Variants in SLC5A9 observed in about 807,000 individuals in gnomAD.
SLC5A9 encodes sodium/glucose cotransporter 4.
A neutral mutation model predicts 70.9 loss-of-function variants in SLC5A9; 59 were observed. That is an observed-to-expected ratio of 0.83 (90% confidence interval 0.68 to 1.03). The LOEUF is 1.03. SLC5A9 is among the 50% of genes least tolerant of loss of function. The pLI is 0.00. For missense variants in SLC5A9, 832 were observed against 881.1 expected, an observed-to-expected ratio of 0.94 and a Z score of 0.71; for synonymous variants, 340 against 346.5, an observed-to-expected ratio of 0.98 and a Z score of 0.21.
chr1:48,235,660 A>G, intron 9 of SLC5A9, 69 bp from the exon 10 acceptor site: 1 of 1,585,918 alleles, frequency 6.3e-7, no homozygotes, highest in Non-Finnish European at 8.6e-7. Flanking sequence ...ATGCTCCAGC[A>G]GCCTCTGTAG....
At chr1:48,229,035 T>G in intron 3 of SLC5A9, 81 bp downstream of exon 3, 1 of 1,613,750 alleles carries the variant, frequency 6.2e-7, no homozygotes, top group Admixed American at 1.7e-5. Context: ...GGGAGGATCC[T>G]TAGAGATGCC....
intron 9 of SLC5A9, among the ~76,000 whole-genome samples, chr1:48,235,002 A>G (rs933083165): frequency 1.3e-5 from 2 of 152,118 alleles, no homozygotes; most frequent in African/African-American, 4.8e-5. Flanking sequence ...GTGGTTAAAT[A>G]TATGGATTTG....
chr1:48,229,622 G>C (rs1644219662), intron 4 of SLC5A9, 163 bp downstream of exon 4: 10 of 1,105,958 alleles, frequency 9.0e-6, no homozygotes, highest in Non-Finnish European at 3.8e-6. Flanking sequence ...CTCAGCACTG[G>C]GGTACTCAGA....
chr1:48,246,524 TA>T (rs1644461835), intron 13 of SLC5A9, among the ~76,000 whole-genome samples: 1 of 152,200 alleles, frequency 6.6e-6, no homozygotes, highest in Non-Finnish European at 1.5e-5. Flanking sequence ...TGCTGATTTT[TA>T]AAAAACTTAA....
chr1:48,230,681 G>T lies in SLC5A9; in HGVS notation c.586G>T (p.Val196Leu), dbSNP rs1044519316. Residue 196 changes from valine (V) to leucine (L), a missense_variant, in exon 5 of 14, where the codon GTG becomes TTG. Val to Leu is a conservative substitution (Grantham distance 32). Coordinates refer to ENST00000438567, the MANE Select transcript of SLC5A9 (RefSeq NM_001011547.3). ...CCTCTCCACAGGGATCCTGCTGGTG[G>T]TGACTGCCGTCTACACCATTGCAGG... ...LYLSTGILLVVTAVYTIAGGL... is the reference protein window; with the variant it reads ...LYLSTGILLVLTAVYTIAGGL... 9 of 1,613,626 alleles carry T rather than the reference G, an allele frequency of 5.6e-6. No homozygotes were observed. Among genetic ancestry groups the T allele is most frequent in the Non-Finnish European group, 6.8e-6 (8 of 1,179,754 alleles).
chr1:48,232,921 AAAAGAAAG>A (rs200400686), intron 8 of SLC5A9, among the ~76,000 whole-genome samples: 5 of 146,294 alleles, frequency 3.4e-5, no homozygotes, highest in African/African-American at 7.5e-5. Flanking sequence ...GAAAGGAAGA[AAAAGAAAG>A]AAAGAAAAGA....
At chr1:48,245,301 C>T (rs980723117) in intron 13 of SLC5A9, among the ~76,000 whole-genome samples, 3 of 151,942 alleles carry the variant, frequency 2.0e-5, no homozygotes, top group African/African-American at 7.3e-5. Flanking sequence ...ACGGCTGAAA[C>T]CCAGAACTAG....
rs758650324 is a variant in SLC5A9, at chr1:48,233,705, C to T, written c.1084C>T (p.Arg362Ter). ...TGTCTGCCAAAGAATCTGTGGGGCCCGAGTGGGATGTTCCAACATTGCCTA... is the reference window on the plus strand; with the variant it reads ...TGTCTGCCAAAGAATCTGTGGGGCCTGAGTGGGATGTTCCAACATTGCCTA... Reference protein sequence around the residue: ...PDVCQRICGARVGCSNIAYPK... With the variant: ...PDVCQRICGA Residue 362 changes from arginine to a stop codon, truncating the protein, a stop_gained, in exon 9 of 14, where the codon CGA becomes TGA. Coordinates refer to ENST00000438567, the MANE Select transcript of SLC5A9 (RefSeq NM_001011547.3). LOFTEE classifies it high-confidence loss of function. 7 of 1,613,950 alleles carry T rather than the reference C, an allele frequency of 4.3e-6. No homozygotes were observed. Among genetic ancestry groups the T allele is most frequent in the East Asian group, 2.2e-5 (1 of 44,860 alleles).
chr1:48,230,204 G>A (rs1644227481), intron 4 of SLC5A9, among the ~76,000 whole-genome samples: 1 of 152,230 alleles, frequency 6.6e-6, no homozygotes, highest in Non-Finnish European at 1.5e-5. Context: ...TGACAGCCAA[G>A]CAGGCTCTGC....
chr1:48,228,535 C>G, intron 2 of SLC5A9: 1 of 328,014 alleles, frequency 3.0e-6, no homozygotes, highest in Non-Finnish European at 5.8e-6. Context: ...GACCCATGGC[C>G]TCAGGGCGGA....
At chr1:48,244,891 T>TATATATATATATAC in intron 13 of SLC5A9, among the ~76,000 whole-genome samples, 1 of 104,992 alleles carries the variant, frequency 9.5e-6, no homozygotes, top group South Asian at 2.8e-4. Context: ...TATATATATA[T>TATATATATATATAC]ATATATATAT....
rs1235151466 is a variant in SLC5A9 at position 48,242,603 on chromosome 1, G to C, written c.1824G>C (p.Gln608His). 2 of 1,610,998 alleles carry C rather than the reference G, an allele frequency of 1.2e-6. No individual in the cohort carries two copies. Among genetic ancestry groups the C allele is most frequent in the African/African-American group, 1.3e-5 (1 of 74,864 alleles). ...CGGCAGAGAACTCGAGCCTGGGCCA[G>C]GAGCAGCCTGAAGGTAGGCTGCGGC... ...GGAAENSSLG[Q>H]EQPEAPSRSW... is the part of the protein sequence containing the mutation. The change falls in exon 13 of 14, where the codon CAG becomes CAC. Residue 608 changes from glutamine to histidine, a missense_variant. Gln to His is a conservative substitution (Grantham distance 24). Coordinates refer to ENST00000438567, the MANE Select transcript of SLC5A9 (RefSeq NM_001011547.3).
In SLC5A9 at chr1:48,243,272, G is replaced by T. The variant is rs531944973; in HGVS notation, c.1837+656G>T. ...TCCCTCATGGGATGAGAGCAGCCAT[G>T]CCTCCATACAGTTGTTTCTGTTTTC... On this transcript the variant is annotated intron_variant, in intron 13 of 13. Coordinates refer to ENST00000438567, the MANE Select transcript of SLC5A9 (RefSeq NM_001011547.3). Among the ~76,000 whole-genome samples, 163 of 152,214 alleles carry T rather than the reference G, an allele frequency of 1.1e-3. 1 individual carries two copies. Among genetic ancestry groups the T allele is most frequent in the African/African-American group, 3.8e-3 (157 of 41,494 alleles).
At chr1:48,241,330 T>C (rs913904625) in intron 12 of SLC5A9, 1 of 152,888 alleles carries the variant, frequency 6.5e-6, no homozygotes, top group African/African-American at 2.4e-5. Context: ...TGACACCCAT[T>C]AGAAGTATTA....
At position 48,232,390 on chromosome 1, in the gene SLC5A9, G is replaced by T. The variant is rs61743842; in HGVS notation, c.921G>T (p.Ser307=). 7 of 1,614,050 alleles carry T rather than the reference G, an allele frequency of 4.3e-6. No individual in the cohort carries two copies. Among genetic ancestry groups the T allele is most frequent in the Non-Finnish European group, 5.9e-6 (7 of 1,180,020 alleles). The change falls in exon 8 of 14, where the codon TCG becomes TCT. Residue 307 remains serine, a synonymous_variant. Transcript: ENST00000438567. ...TDQVIVQRSL[S]AKSLSHAKGG... ...AGGTCATTGTGCAGCGGTCTCTCTC[G>T]GCCAAGAGTCTGTCTCATGCCAAGG...
chr1:48,237,942 T>G, intron 11 of SLC5A9, 95 bp downstream of exon 11: 1 of 1,319,120 alleles, frequency 7.6e-7, no homozygotes, highest in South Asian at 1.4e-5. Flanking sequence ...AAAATCCACT[T>G]CCCCTCTAGG....
Position 48,228,847 on chromosome 1 carries a change from C to T in SLC5A9, c.235-3C>T, listed in dbSNP as rs770618857. The T allele has an allele frequency of 5.6e-6, 9 of 1,613,576 alleles. No homozygotes were observed. The African/African-American group carries it at 1.1e-4, about 19-fold the overall frequency. ...TGACCCTTGACCCAACTGTGCCTTG[C>T]AGATTGGAGCATCTCTGATGTCCAG... On this transcript the variant is annotated splice_region_variant and splice_polypyrimidine_tract_variant and intron_variant, in intron 2 of 13. Coordinates refer to ENST00000438567, the MANE Select transcript of SLC5A9 (RefSeq NM_001011547.3).
In SLC5A9 at chr1:48,224,732, C is replaced by A. The variant is rs377008459; in HGVS notation, c.171C>A (p.Ile57=). The part of the protein sequence containing the change: ...FVIAVGIWSS[I]RASRGTIGGY... ...ATCTATTTCCTTTCCAGTCGTCCAT[C>A]CGTGCAAGTCGAGGGACCATTGGCG... is the stretch of plus-strand genomic sequence containing the variant. Residue 57 remains isoleucine (I), a synonymous_variant, in exon 2 of 14, where the codon ATC becomes ATA. Coordinates refer to ENST00000438567, the MANE Select transcript of SLC5A9 (RefSeq NM_001011547.3). 4.3e-6 allele frequency: 7 copies of A among 1,614,010 alleles called. No homozygotes were observed. Among genetic ancestry groups the A allele is most frequent in the Non-Finnish European group, 3.4e-6 (4 of 1,180,004 alleles).
At chr1:48,227,288 TGTGA>T (rs1557466972) in intron 2 of SLC5A9, among the ~76,000 whole-genome samples, 12 of 114,484 alleles carry the variant, frequency 1.0e-4, no homozygotes, top group African/African-American at 1.5e-4. Flanking sequence ...TGTGTGTATG[TGTGA>T]GAGTGTGTGT....
Sources: gnomAD v4.1 joint callset for allele counts (sites outside exome capture counted in the v4.1 genomes callset) on GRCh38, gnomAD v4.1.1 for gene constraint, MANE v1.5 for transcripts, NCBI Gene and HGNC (gene_info 2026-07-23, HGNC 2026-07-21) for gene names.